The following TECTA variants were observed in gnomAD, a reference collection of about 807,000 sequenced individuals.
TECTA encodes tectorin alpha.
In TECTA, 128 loss-of-function variants were observed where a neutral mutation model predicts 216.8. The ratio of observed to expected loss-of-function variants is 0.59; its 90% CI spans 0.51 to 0.68. The LOEUF (loss-of-function observed/expected upper bound fraction) is 0.68. TECTA is among the 30% of genes least tolerant of loss of function. The pLI, the probability that TECTA is intolerant of heterozygous loss-of-function variation, is 0.00. For missense variants in TECTA, 2,551 were observed against 2,786.2 expected (o/e 0.92, Z 1.90); for synonymous variants, 1,089 against 1,117.1 (o/e 0.97, Z 0.50).
rs777159626 is a variant in TECTA, at chr11:121,118,364, C to T, written c.849C>T (p.Cys283=). The change falls in exon 7 of 24, where the codon TGC becomes TGT. Residue 283 remains cysteine, a synonymous_variant. Transcript: ENST00000392793. ...ATGACTTGAACTGCACCGTCAAGTG[C>T]CGCTGTCTGGATTTCAACAATGAGA... ...FWDDLNCTVK[C]RCLDFNNEIY... 1 of 1,614,148 alleles carries T rather than the reference C, an allele frequency of 6.2e-7. No individual in the cohort carries two copies. Among genetic ancestry groups the T allele is most frequent in the Admixed American group, 1.7e-5 (1 of 60,030 alleles).
Position 121,160,972 on chromosome 11 carries a change from A to G in TECTA, c.4976+551A>G, listed in dbSNP as rs140035312. On this transcript the variant is annotated intron_variant, in intron 15 of 23. Transcript: ENST00000392793. ...AGAGTGAGCTAAAGAAGTTATTCCA[A>G]AGGTTTTAAATTTAGGGCCCCTCAG... is the stretch of plus-strand genomic sequence containing the variant. 3.0e-3 allele frequency among the ~76,000 whole-genome samples: 459 copies of G among 152,298 alleles called. 3 individuals carry two copies. The highest frequency in any genetic ancestry group is 0.011 in the African/African-American group (445 of 41,556).
At chr11:121,146,519 G>A (rs1364991300) in intron 12 of TECTA, among the ~76,000 whole-genome samples, 2 of 152,184 alleles carry the variant, frequency 1.3e-5, no homozygotes, top group Non-Finnish European at 2.9e-5. Flanking sequence ...GTCTAAGCAT[G>A]TTATTCTATT....
At chr11:121,175,814 G>T (rs1265094419) in intron 20 of TECTA, among the ~76,000 whole-genome samples, 3 of 152,166 alleles carry the variant, frequency 2.0e-5, no homozygotes, top group African/African-American at 7.2e-5. Flanking sequence ...TTATTATTGT[G>T]TGGGAGTCTA....
chr11:121,113,001 G>A lies in TECTA; in HGVS notation c.487-71G>A. On this transcript the variant is annotated intron_variant, in intron 4 of 23. Coordinates refer to ENST00000392793, the MANE Select transcript of TECTA (RefSeq NM_005422.4). This position sits in a 1 kb window ranked among gnomAD's most constrained non-coding sequence, Gnocchi z 4.2. ...GTGGGTGGGGAGGGCGCAGGGTGAA[G>A]GGAGGACCTCCTTGGGGCCAGGACC... The A allele has an allele frequency of 6.3e-7, 1 of 1,599,456 alleles. No individual in the cohort carries two copies.
chr11:121,158,189 G>A lies in TECTA; in HGVS notation c.4654G>A (p.Glu1552Lys). ...GCCCGTCTACTTCTACATTAACGAAGAGCAGATTCTCATCAACGACCGGAA... is the reference window on the plus strand; with the variant it reads ...GCCCGTCTACTTCTACATTAACGAAAAGCAGATTCTCATCAACGACCGGAA... ...ISPVYFYINE[E>K]QILINDRNTV... Residue 1552 changes from glutamate to lysine, a missense_variant, in exon 14 of 24, where the codon GAG (glutamate) becomes AAG (lysine). Physicochemically the swap from Glu to Lys is moderately conservative, Grantham distance 56 (BLOSUM62 1). Transcript: ENST00000392793. 10 of 1,613,832 alleles carry A rather than the reference G, an allele frequency of 6.2e-6. No homozygotes were observed. The highest frequency in any genetic ancestry group is 5.9e-6 in the Non-Finnish European group (7 of 1,180,036).
chr11:121,165,910 T>G (rs1372820878), intron 17 of TECTA, among the ~76,000 whole-genome samples: 2 of 152,304 alleles, frequency 1.3e-5, no homozygotes, highest in Middle Eastern at 3.4e-3. Context: ...TTGCCTTCCA[T>G]CTCTGCTCCC....
intron 17 of TECTA, among the ~76,000 whole-genome samples, chr11:121,165,882 G>T (rs139329175): frequency 6.6e-4 from 100 of 152,292 alleles, no homozygotes; most frequent in African/African-American, 2.3e-3. Flanking sequence ...CTGGATGGCT[G>T]CTTGAGGCAG....
intron 11 of TECTA, among the ~76,000 whole-genome samples, chr11:121,142,032 G>C (rs1946789562): frequency 6.6e-6 from 1 of 152,134 alleles, no homozygotes; most frequent in Non-Finnish European, 1.5e-5. Context: ...GATTACACTT[G>C]CCAGGCCAGG....
intron 18 of TECTA, among the ~76,000 whole-genome samples, chr11:121,167,712 AAAG>A (rs1172561659): frequency 3.9e-5 from 6 of 152,200 alleles, no homozygotes; most frequent in African/African-American, 7.2e-5. Flanking sequence ...AAGCATTGAA[AAAG>A]AAGATTTCTA....
chr11:121,156,927 T>G (rs1325817251), intron 13 of TECTA, among the ~76,000 whole-genome samples: 29 of 152,168 alleles, frequency 1.9e-4, no homozygotes, highest in Non-Finnish European at 4.3e-4. Flanking sequence ...CCCAAAACGT[T>G]CCTTTCATGG....
At chr11:121,146,805 G>C (rs1946842787) in intron 12 of TECTA, among the ~76,000 whole-genome samples, 1 of 152,226 alleles carries the variant, frequency 6.6e-6, no homozygotes, top group South Asian at 2.1e-4. Flanking sequence ...ATGCTAAGCG[G>C]TACTGTTATA....
rs116656415 is a variant in TECTA, at chr11:121,160,474, G to A, written c.4976+53G>A. 355 of 1,596,342 alleles carry A rather than the reference G, an allele frequency of 2.2e-4. 1 individual carries two copies. The African/African-American group carries it at 4.0e-3, about 18-fold the overall frequency. On this transcript the variant is annotated intron_variant, in intron 15 of 23. Transcript: ENST00000392793. ...GACTTGGTGGCCCAAGTTCTCTCAC[G>A]TCCATGGGTGGTGTGAATGAGGAAT...
chr11:121,113,331 G>T lies in TECTA; in HGVS notation c.624+122G>T, dbSNP rs923386607. ...TAACTAGAGACGCAGGTCTGATCTC[G>T]CAGGTGGACTACGAGGCTAGTCCTG... is the stretch of plus-strand genomic sequence containing the variant. On this transcript the variant is annotated intron_variant, in intron 5 of 23. Transcript: ENST00000392793. The surrounding 1 kb of genome is among the most constrained non-coding windows in gnomAD (Gnocchi z 4.2). The T allele has an allele frequency of 1.6e-5, 25 of 1,558,246 alleles. No individual in the cohort carries two copies. In the East Asian group the frequency reaches 4.7e-4, roughly 30 times the overall value.
intron 20 of TECTA, among the ~76,000 whole-genome samples, chr11:121,183,313 G>A (rs1221518933): frequency 6.6e-5 from 10 of 152,134 alleles, no homozygotes; most frequent in East Asian, 1.9e-4. Flanking sequence ...TTGGGTCTGA[G>A]GGGCTGGAGG....
At chr11:121,110,259 A>G (rs1474371889) in intron 4 of TECTA, 1 of 152,594 alleles carries the variant, frequency 6.6e-6, no homozygotes, top group African/African-American at 2.4e-5. Context: ...GTTTTGAAGT[A>G]GTAGACACAT....
At chr11:121,136,834 G>A (rs1373655432) in intron 10 of TECTA, among the ~76,000 whole-genome samples, 1 of 152,100 alleles carries the variant, frequency 6.6e-6, no homozygotes, top group African/African-American at 2.4e-5. Context: ...TTGAACTTCA[G>A]TTTCCTCACC....
rs145520014 is a variant in TECTA, at chr11:121,129,818, G to A, written c.2548G>A (p.Gly850Ser). Residue 850 changes from glycine (G) to serine (S), a missense_variant, in exon 10 of 24, where the codon GGC becomes AGC. By Grantham distance (56) the Gly-to-Ser change is moderately conservative (BLOSUM62 0). Coordinates refer to ENST00000392793, the MANE Select transcript of TECTA (RefSeq NM_005422.4). The stretch of plus-strand genomic sequence containing the variant: ...CTTCAATTGCACAGGGGGCTTGTGC[G>A]GCTTCTACAATGCCAACGCCAGTGA... ...TYFNCTGGLC[G>S]FYNANASDEF... 1.7e-5 allele frequency: 28 copies of A among 1,614,156 alleles called. No homozygotes were observed. Among genetic ancestry groups the A allele is most frequent in the East Asian group, 4.5e-5 (2 of 44,888 alleles).
At chr11:121,152,796 C>T in intron 12 of TECTA, 85 bp from the exon 13 acceptor site, 1 of 1,441,474 alleles carries the variant, frequency 6.9e-7, no homozygotes, top group Non-Finnish European at 9.5e-7. Context: ...CTTTCATCTC[C>T]CTGAGTAGGT....
chr11:121,117,279 G>A (rs940525818), intron 6 of TECTA, among the ~76,000 whole-genome samples: 2 of 152,140 alleles, frequency 1.3e-5, no homozygotes, highest in African/African-American at 4.8e-5. Flanking sequence ...CATTTTACAG[G>A]TTAGGAAAAC....
Sources: gnomAD v4.1 joint callset for allele counts (sites outside exome capture counted in the v4.1 genomes callset) on GRCh38, gnomAD v4.1.1 for gene constraint, Gnocchi (gnomAD v3.1) non-coding constraint, MANE v1.5 for transcripts, NCBI Gene and HGNC (gene_info 2026-07-23, HGNC 2026-07-21) for gene names.